The following ARHGAP24 variants were observed in gnomAD, a reference collection of about 807,000 sequenced individuals.
ARHGAP24 encodes the protein Rho GTPase activating protein 24.
A neutral mutation model predicts 76.4 loss-of-function variants in ARHGAP24; 50 were observed. The observed-to-expected ratio is 0.65, with a 90% CI of 0.52 to 0.83. The LOEUF (loss-of-function observed/expected upper bound fraction) is 0.83. ARHGAP24 is among the 40% of genes least tolerant of loss of function. ARHGAP24 has a pLI of 0.00. For synonymous variants in ARHGAP24, 345 were observed against 323.3 expected (o/e 1.07, Z -0.72); for missense variants, 930 against 914.2 (o/e 1.02, Z -0.22).
intron 1 of ARHGAP24, among the ~76,000 whole-genome samples, chr4:85,513,629 C>T (rs755651531): frequency 3.3e-5 from 5 of 151,924 alleles, no homozygotes; most frequent in Non-Finnish European, 5.9e-5. Flanking sequence ...CTACTAAAGA[C>T]AGAAAACAAA....
At chr4:85,714,553 A>G (rs1399883426) in intron 2 of ARHGAP24, among the ~76,000 whole-genome samples, 1 of 152,126 alleles carries the variant, frequency 6.6e-6, no homozygotes, top group Non-Finnish European at 1.5e-5. Context: ...AAATTTAAAC[A>G]ATGATTTGGA....
chr4:85,985,603 C>T (rs192528210), intron 8 of ARHGAP24, among the ~76,000 whole-genome samples: 87 of 152,216 alleles, frequency 5.7e-4, no homozygotes, highest in African/African-American at 2.0e-3. Context: ...GTGTAACAAA[C>T]GTGCAGTTAT....
chr4:85,524,539 A>C (rs1207803911), intron 1 of ARHGAP24, among the ~76,000 whole-genome samples: 1 of 152,176 alleles, frequency 6.6e-6, no homozygotes, highest in Non-Finnish European at 1.5e-5. Context: ...GCCCTGCATG[A>C]TTGATGAGGT....
chr4:85,721,487 A>G (rs1205114176), intron 2 of ARHGAP24, among the ~76,000 whole-genome samples: 1 of 152,174 alleles, frequency 6.6e-6, no homozygotes, highest in Non-Finnish European at 1.5e-5. Flanking sequence ...GCTTATCACA[A>G]CTATGTCTAA....
At chr4:85,518,833 G>A (rs1724623899) in intron 1 of ARHGAP24, among the ~76,000 whole-genome samples, 1 of 152,146 alleles carries the variant, frequency 6.6e-6, no homozygotes, top group South Asian at 2.1e-4. Context: ...ACATGTGTGT[G>A]CAAGTAAGTT....
At chr4:85,727,608 C>A (rs1167497905) in intron 3 of ARHGAP24, among the ~76,000 whole-genome samples, 2 of 152,152 alleles carry the variant, frequency 1.3e-5, no homozygotes, top group East Asian at 1.9e-4. Context: ...GGATCCAATT[C>A]TCTTTCATTA....
chr4:85,906,925 T>A (rs911663846), intron 3 of ARHGAP24, among the ~76,000 whole-genome samples: 40 of 152,200 alleles, frequency 2.6e-4, no homozygotes, highest in Non-Finnish European at 1.0e-4. Flanking sequence ...ATTTTCATCG[T>A]TTCTATTTTA....
At chr4:85,528,446 T>G (rs1725111438) in intron 1 of ARHGAP24, among the ~76,000 whole-genome samples, 1 of 152,012 alleles carries the variant, frequency 6.6e-6, no homozygotes, top group South Asian at 2.1e-4. Flanking sequence ...CTGGTGTTAG[T>G]GTACAATATG....
At chr4:85,722,674 G>A (rs941188771) in intron 3 of ARHGAP24, 1 of 154,160 alleles carries the variant, frequency 6.5e-6, no homozygotes, top group Non-Finnish European at 1.5e-5. Flanking sequence ...CCAAGGCCAT[G>A]TTGTCTACCT....
At chr4:85,750,001 T>C (rs1393572242) in intron 3 of ARHGAP24, among the ~76,000 whole-genome samples, 1 of 152,088 alleles carries the variant, frequency 6.6e-6, no homozygotes, top group East Asian at 1.9e-4. Context: ...CATGCATCCA[T>C]CCATGACTGC....
intron 3 of ARHGAP24, among the ~76,000 whole-genome samples, chr4:85,762,825 G>T (rs1726781848): frequency 6.6e-6 from 1 of 152,036 alleles, no homozygotes; most frequent in Admixed American, 6.6e-5. Flanking sequence ...CTATACAGTT[G>T]GTTTAACTAG....
chr4:85,745,422 T>A (rs1044625229), intron 3 of ARHGAP24, among the ~76,000 whole-genome samples: 6 of 146,290 alleles, frequency 4.1e-5, no homozygotes, highest in Non-Finnish European at 7.5e-5. Context: ...TATACATATA[T>A]ATAATATATA....
rs1740552612 is a variant in ARHGAP24 at position 85,994,854 on chromosome 4, C to A, written c.1200C>A (p.Thr400=). ...GSPTALSGSK[T]NSPKNSVHKL... ...CCACAGCTCTATCAGGCAGCAAAACCAACAGCCCAAAGAACAGTGTTCACA... is the reference window on the plus strand; with the variant it reads ...CCACAGCTCTATCAGGCAGCAAAACAAACAGCCCAAAGAACAGTGTTCACA... Residue 400 remains threonine (T), a synonymous_variant, in exon 9 of 10, where the codon ACC becomes ACA. Coordinates refer to ENST00000395184, the MANE Select transcript of ARHGAP24 (RefSeq NM_001025616.3). 2 of 1,614,106 alleles carry A rather than the reference C, an allele frequency of 1.2e-6. No individual in the cohort carries two copies. Among genetic ancestry groups the A allele is most frequent in the Non-Finnish European group, 1.7e-6 (2 of 1,180,020 alleles).
intron 3 of ARHGAP24, among the ~76,000 whole-genome samples, chr4:85,905,116 T>C (rs530250994): frequency 6.6e-6 from 1 of 152,290 alleles, no homozygotes; most frequent in African/African-American, 2.4e-5. Flanking sequence ...CAAAAAACAT[T>C]AGAGCAGTCT....
At chr4:85,916,617 G>T (rs1176213279) in intron 3 of ARHGAP24, among the ~76,000 whole-genome samples, 1 of 152,134 alleles carries the variant, frequency 6.6e-6, no homozygotes, top group Non-Finnish European at 1.5e-5. Flanking sequence ...TCTGTAGTCT[G>T]TAATAAAATG....
chr4:85,675,596 G>A (rs780067136), intron 2 of ARHGAP24, among the ~76,000 whole-genome samples: 3 of 152,230 alleles, frequency 2.0e-5, no homozygotes, highest in South Asian at 2.1e-4. Context: ...GGTGAGATCC[G>A]CCTTCCCAAG....
At chr4:85,937,398 A>G (rs1736704885) in intron 4 of ARHGAP24, among the ~76,000 whole-genome samples, 1 of 152,212 alleles carries the variant, frequency 6.6e-6, no homozygotes, top group African/African-American at 2.4e-5. Flanking sequence ...GTTTGAAAAT[A>G]TTGAGCTATC....
At chr4:85,481,817 T>C (rs1276911278) in intron 1 of ARHGAP24, among the ~76,000 whole-genome samples, 1 of 152,200 alleles carries the variant, frequency 6.6e-6, no homozygotes, top group African/African-American at 2.4e-5. Context: ...GGATGATTTC[T>C]TTGGGGAGAT....
chr4:86,001,402 C>T lies in ARHGAP24; in HGVS notation c.*680C>T, dbSNP rs540084480. 1.3e-5 allele frequency: 5 copies of T among 398,946 alleles called. No individual in the cohort carries two copies. In the South Asian group the frequency reaches 6.4e-4, roughly 51 times the overall value. The allele number at this position is 398,946 out of a possible 1,614,324, so 24.7% of individuals were successfully genotyped here. On this transcript the variant is annotated 3_prime_UTR_variant, in exon 10 of 10. Transcript: ENST00000395184. ...ATTTGACATAGGAACTTTGAGACTC[C>T]ATGAGAAAGTCCCTTTCTGAGGCCC...
Sources: allele counts gnomAD v4.1 joint callset (sites outside exome capture counted in the v4.1 genomes callset), GRCh38; gene constraint gnomAD v4.1.1; transcripts MANE v1.5; gene names NCBI Gene and HGNC (gene_info 2026-07-23, HGNC 2026-07-21).